Variants in FBLN1 observed in about 807,000 individuals in gnomAD.
FBLN1 encodes fibulin 1.
In FBLN1, 34 loss-of-function variants were observed where a neutral mutation model predicts 89.7. The ratio of observed to expected loss-of-function variants is 0.38; its 90% confidence interval spans 0.29 to 0.50. The LOEUF (loss-of-function observed/expected upper bound fraction) is 0.50. Ranked by LOEUF, FBLN1 falls within the 20% of genes least tolerant of loss-of-function variation. The pLI is 0.92. For synonymous variants in FBLN1, 393 were observed against 391.3 expected, an observed-to-expected ratio of 1.00 and a Z score of -0.05; for missense variants, 777 against 988.1, an observed-to-expected ratio of 0.79 and a Z score of 2.86.
chr22:45,533,948 C>A (rs146717263), intron 7 of FBLN1, 50 bp downstream of exon 7: 14 of 1,610,212 alleles, frequency 8.7e-6, no homozygotes, highest in Non-Finnish European at 8.5e-7. Flanking sequence ...GGCGTAGATA[C>A]GGCGCGGTGG....
chr22:45,574,774 T>TTTA lies in FBLN1; in HGVS notation c.1840+123_1840+124insATT. Reference sequence around the variant, plus strand: ...TGGCCCAGGCTTTGAAATGCAGAACTTTCTTTTTTTTTTTTTTTTTTTTTT... The same window carrying TTTA: ...TGGCCCAGGCTTTGAAATGCAGAACTTTATTCTTTTTTTTTTTTTTTTTTTTTT... On this transcript the variant is annotated intron_variant, in intron 15 of 16. Coordinates refer to ENST00000327858, the MANE Select transcript of FBLN1 (RefSeq NM_006486.3). This position sits in a 1 kb window ranked among gnomAD's most constrained non-coding sequence, Gnocchi z 4.1. 1.4e-5 allele frequency: 10 copies of TTTA among 737,536 alleles called. No individual in the cohort carries two copies. Among genetic ancestry groups the TTTA allele is most frequent in the Non-Finnish European group, 2.1e-5 (10 of 467,798 alleles). 45.7% of individuals were successfully genotyped at this position (737,536 alleles called of 1,614,324 possible).
In FBLN1 at chr22:45,588,130, G is replaced by C. The variant is rs1216871995; in HGVS notation, c.1972+11022G>C. On this transcript the variant is annotated intron_variant, in intron 16 of 16. Coordinates refer to ENST00000327858, the MANE Select transcript of FBLN1 (RefSeq NM_006486.3). This position sits in a 1 kb window ranked among gnomAD's most constrained non-coding sequence, Gnocchi z 5.1. ...GGTAGTGAGGGCTGTGCAGAGCAGGGGAGGGGAGTGGGAGGCGGGGTGCAG... is the reference window on the plus strand; with the variant it reads ...GGTAGTGAGGGCTGTGCAGAGCAGGCGAGGGGAGTGGGAGGCGGGGTGCAG... 6.6e-6 allele frequency among the ~76,000 whole-genome samples: 1 copy of C among 152,194 alleles called. No homozygotes were observed. The highest frequency in any genetic ancestry group is 1.9e-4 in the East Asian group (1 of 5,200).
chr22:45,503,021 TC>T lies in FBLN1; in HGVS notation c.38del (p.Pro13ArgfsTer94). 1 of 1,249,208 alleles carries T rather than the reference TC, an allele frequency of 8.0e-7. No individual in the cohort carries two copies. Among genetic ancestry groups the T allele is most frequent in the Non-Finnish European group, 1.0e-6 (1 of 998,174 alleles). The allele number at this position is 1,249,208 out of a possible 1,614,324, so 77.4% of individuals were successfully genotyped here. ...CCGCGCCGTCGCGCCGGGTCCCGCT[TC>T]CGCTGCTGCTGCTCGGCGGCCTTGC... Reference protein sequence around the residue: ...RAAPSRRVPLPLLLLGGLALL... With the variant: ...RAAPSRRVPLXLLLLGGLALL... On this transcript the variant is annotated frameshift_variant, in exon 1 of 17. Transcript: ENST00000327858. LOFTEE classifies it high-confidence loss of function.
In FBLN1 at chr22:45,531,460, C is replaced by T; in HGVS notation, c.544+136C>T. 1 of 754,968 alleles carries T rather than the reference C, an allele frequency of 1.3e-6. No individual in the cohort carries two copies. Among genetic ancestry groups the T allele is most frequent in the Non-Finnish European group, 2.3e-6 (1 of 428,478 alleles). The allele number at this position is 754,968 out of a possible 1,614,324, so 46.8% of individuals were successfully genotyped here. ...CCTTGAGCCCAGGAGGTTGTGGCTG[C>T]AGTGAGCTATGACTGCACCTTTGCA... is the stretch of plus-strand genomic sequence containing the variant. On this transcript the variant is annotated intron_variant, in intron 5 of 16. Coordinates refer to ENST00000327858, the MANE Select transcript of FBLN1 (RefSeq NM_006486.3). This position sits in a 1 kb window ranked among gnomAD's most constrained non-coding sequence, Gnocchi z 4.9.
chr22:45,584,990 C>T (rs1031005626), intron 16 of FBLN1, among the ~76,000 whole-genome samples: 1 of 152,244 alleles, frequency 6.6e-6, no homozygotes, highest in Admixed American at 6.5e-5. Flanking sequence ...AACAAATCTA[C>T]ATCCAAGCTA....
intron 16 of FBLN1, among the ~76,000 whole-genome samples, chr22:45,594,392 C>G (rs1003473012): frequency 6.6e-6 from 1 of 152,174 alleles, no homozygotes; most frequent in Non-Finnish European, 1.5e-5. Context: ...TGCCTCTCCC[C>G]AAGATTGACA....
At position 45,550,739 on chromosome 22, in the gene FBLN1, C is replaced by CA; in HGVS notation, c.1697+127dup. 7.4e-7 allele frequency: 1 copy of CA among 1,356,748 alleles called. No individual in the cohort carries two copies. The highest frequency in any genetic ancestry group is 2.3e-4 in the Middle Eastern group (1 of 4,420). 84.0% of individuals were successfully genotyped at this position (1,356,748 alleles called of 1,614,324 possible). ...CCTCCCATGAGGGACTCAGGGCACT[C>CA]AAAGATCACCTGATCCCTGGCCCTC... is the stretch of plus-strand genomic sequence containing the variant. On this transcript the variant is annotated intron_variant, in intron 14 of 16. Transcript: ENST00000327858. This position sits in a 1 kb window ranked among gnomAD's most constrained non-coding sequence, Gnocchi z 8.4.
chr22:45,517,161 C>T (rs1310268421), intron 1 of FBLN1, among the ~76,000 whole-genome samples: 1 of 152,218 alleles, frequency 6.6e-6, no homozygotes. Flanking sequence ...GGCAGGGCAC[C>T]CACAGTTGTG....
Position 45,574,906 on chromosome 22 carries a change from C to T in FBLN1, c.1840+253C>T, listed in dbSNP as rs1457040827. Among the ~76,000 whole-genome samples, 10 of 151,838 alleles carry T rather than the reference C, an allele frequency of 6.6e-5. No homozygotes were observed. The highest frequency in any genetic ancestry group is 2.6e-4 in the Admixed American group (4 of 15,270). On this transcript the variant is annotated intron_variant, in intron 15 of 16. Coordinates refer to ENST00000327858, the MANE Select transcript of FBLN1 (RefSeq NM_006486.3). The surrounding 1 kb of genome is among the most constrained non-coding windows in gnomAD (Gnocchi z 4.1). ...ACGCCATTCTCCTGCCTCAGCCTTC[C>T]GAGTAGCTGGGACTACAGGCGCCCG...
intron 11 of FBLN1, among the ~76,000 whole-genome samples, chr22:45,544,840 T>C (rs1021485704): frequency 6.6e-6 from 1 of 152,176 alleles, no homozygotes; most frequent in Admixed American, 6.5e-5. Flanking sequence ...TCACATGAAC[T>C]GCATGTCAGC....
intron 16 of FBLN1, among the ~76,000 whole-genome samples, chr22:45,593,343 C>T (rs1451028042): frequency 1.3e-5 from 2 of 152,062 alleles, no homozygotes; most frequent in South Asian, 2.1e-4. Flanking sequence ...ATCCTGGATC[C>T]CCAGCACATC....
At chr22:45,547,620 G>T (rs940479675) in intron 12 of FBLN1, among the ~76,000 whole-genome samples, 2 of 151,696 alleles carry the variant, frequency 1.3e-5, no homozygotes, top group African/African-American at 4.8e-5. Context: ...GGCTGGTCTC[G>T]AACTCCGTGG....
intron 1 of FBLN1, among the ~76,000 whole-genome samples, chr22:45,509,985 C>G (rs1370666349): frequency 6.6e-6 from 1 of 152,134 alleles, no homozygotes; most frequent in African/African-American, 2.4e-5. Context: ...CTGACGCCCT[C>G]AGCTGCCTCT....
At chr22:45,592,259 G>A (rs896369857) in intron 16 of FBLN1, among the ~76,000 whole-genome samples, 2 of 152,216 alleles carry the variant, frequency 1.3e-5, no homozygotes, top group Non-Finnish European at 2.9e-5. Context: ...CTGCTGTGTG[G>A]CCTCTTTCCA....
At position 45,557,859 on chromosome 22, in the gene FBLN1, C is replaced by T. The variant is rs191135735; in HGVS notation, c.1697+7244C>T. Among the ~76,000 whole-genome samples the T allele has an allele frequency of 2.6e-4, 39 of 152,336 alleles. No homozygotes were observed. Among genetic ancestry groups the T allele is most frequent in the African/African-American group, 8.4e-4 (35 of 41,582 alleles). On this transcript the variant is annotated intron_variant, in intron 14 of 16. Coordinates refer to ENST00000327858, the MANE Select transcript of FBLN1 (RefSeq NM_006486.3). This position sits in a 1 kb window ranked among gnomAD's most constrained non-coding sequence, Gnocchi z 4.9. Reference sequence around the variant, plus strand: ...CACAGCCCATGAATCAGTATGTAATCGCACATCTGGTCATTTCTCCTTCCA... The same window carrying T: ...CACAGCCCATGAATCAGTATGTAATTGCACATCTGGTCATTTCTCCTTCCA...
At chr22:45,551,606 G>A (rs779648480) in intron 14 of FBLN1, among the ~76,000 whole-genome samples, 2 of 152,216 alleles carry the variant, frequency 1.3e-5, no homozygotes, top group Admixed American at 6.5e-5. Flanking sequence ...TTCCCAGCAC[G>A]GATTTCTGTC....
intron 2 of FBLN1, chr22:45,523,104 G>A (rs1162639292): frequency 1.3e-6 from 1 of 773,330 alleles, no homozygotes; most frequent in African/African-American, 1.7e-5. Flanking sequence ...CGTGGGGTTG[G>A]CCTCACTGTG....
In FBLN1 at chr22:45,574,439, C is replaced by A; in HGVS notation, c.1698-72C>A. The A allele has an allele frequency of 6.3e-7, 1 of 1,581,792 alleles. No individual in the cohort carries two copies. The highest frequency in any genetic ancestry group is 2.3e-5 in the East Asian group (1 of 44,336). Reference sequence around the variant, plus strand: ...TGCCCTGGCCACCTGCTCCTCCTCCCTAGACCTCGGCCCCTGTGGGAGCTG... The same window carrying A: ...TGCCCTGGCCACCTGCTCCTCCTCCATAGACCTCGGCCCCTGTGGGAGCTG... On this transcript the variant is annotated intron_variant, in intron 14 of 16. Coordinates refer to ENST00000327858, the MANE Select transcript of FBLN1 (RefSeq NM_006486.3). The surrounding 1 kb of genome is among the most constrained non-coding windows in gnomAD (Gnocchi z 4.1).
chr22:45,582,559 C>T (rs992762364), intron 16 of FBLN1, among the ~76,000 whole-genome samples: 1 of 152,202 alleles, frequency 6.6e-6, no homozygotes, highest in Admixed American at 6.5e-5. Context: ...TTTCCAGGAC[C>T]CCTCCCAGCC....
Sources: allele counts gnomAD v4.1 joint callset (sites outside exome capture counted in the v4.1 genomes callset), GRCh38; gene constraint gnomAD v4.1.1; non-coding constraint Gnocchi (gnomAD v3.1); transcripts MANE v1.5; gene names NCBI Gene and HGNC (gene_info 2026-07-23, HGNC 2026-07-21).